CEP63: variants seen among roughly 807,000 people sequenced by gnomAD.
CEP63 encodes the protein centrosomal protein 63.
A neutral mutation model predicts 89.1 loss-of-function variants in CEP63; 84 were observed. The ratio of observed to expected loss-of-function variants is 0.94; its 90% confidence interval spans 0.79 to 1.13. The LOEUF (loss-of-function observed/expected upper bound fraction) is 1.13. Among genes scored for constraint, CEP63 ranks in the 50% most tolerant of loss-of-function variants. The pLI is 0.00. For synonymous variants in CEP63, 267 were observed against 272.5 expected, an observed-to-expected ratio of 0.98 and a Z score of 0.20; for missense variants, 838 against 813.3, an observed-to-expected ratio of 1.03 and a Z score of -0.37.
chr3:134,499,095 A>G (rs1320036683), intron 2 of CEP63, among the ~76,000 whole-genome samples: 1 of 152,204 alleles, frequency 6.6e-6, no homozygotes, highest in Non-Finnish European at 1.5e-5. Context: ...TTTTTTTGGA[A>G]TACTTTGAGA....
the CEP63 span, among the ~76,000 whole-genome samples, chr3:134,609,711 C>A: frequency 6.6e-6 from 1 of 152,156 alleles, no homozygotes; most frequent in Non-Finnish European, 1.5e-5. Context: ...CCAATAGCAC[C>A]CCTTCCCCAA....
intron 1 of CEP63, among the ~76,000 whole-genome samples, chr3:134,488,895 C>T (rs1186085805): frequency 7.9e-5 from 12 of 152,056 alleles, no homozygotes; most frequent in African/African-American, 2.2e-4. Context: ...CGGTGGCTCA[C>T]GCCTGTAATC....
the CEP63 span, chr3:134,651,495 T>C: frequency 9.9e-7 from 1 of 1,006,370 alleles, no homozygotes; most frequent in South Asian, 4.2e-5. Context: ...CCAGATTGAA[T>C]TGCAAGATGT....
chr3:134,680,756 C>T, the CEP63 span, among the ~76,000 whole-genome samples: 9 of 152,110 alleles, frequency 5.9e-5, no homozygotes, highest in Admixed American at 4.6e-4. Context: ...GCTAGTGGCT[C>T]GAAAAGAAGA....
intron 2 of CEP63, among the ~76,000 whole-genome samples, chr3:134,496,171 T>A (rs559006362): frequency 2.2e-4 from 32 of 147,552 alleles, no homozygotes; most frequent in Non-Finnish European, 4.2e-4. Flanking sequence ...TTGTGTCTTT[T>A]CTACAAGAGC....
At chr3:134,758,055 G>A in the CEP63 span, among the ~76,000 whole-genome samples, 2 of 152,118 alleles carry the variant, frequency 1.3e-5, no homozygotes, top group African/African-American at 4.8e-5. Flanking sequence ...TGTATCTAAG[G>A]TGCCCACCCT....
chr3:134,643,028 A>G, the CEP63 span, among the ~76,000 whole-genome samples: 3 of 152,192 alleles, frequency 2.0e-5, no homozygotes, highest in African/African-American at 7.2e-5. Context: ...CAAATGTTGA[A>G]TGTTGAATAG....
chr3:134,498,901 T>C (rs1237008418), intron 2 of CEP63, among the ~76,000 whole-genome samples: 2 of 152,248 alleles, frequency 1.3e-5, no homozygotes, highest in Non-Finnish European at 2.9e-5. Flanking sequence ...TTGATCATGC[T>C]GTATTATCTT....
At chr3:134,595,169 T>C in the CEP63 span, among the ~76,000 whole-genome samples, 1 of 152,192 alleles carries the variant, frequency 6.6e-6, no homozygotes, top group Non-Finnish European at 1.5e-5. Flanking sequence ...GGTAATTTAA[T>C]CATGGGGGTG....
intron 13 of CEP63, among the ~76,000 whole-genome samples, chr3:134,558,584 A>G (rs1028062898): frequency 6.6e-6 from 1 of 152,182 alleles, no homozygotes; most frequent in African/African-American, 2.4e-5. Context: ...TGTAAACAAG[A>G]TGTGTATTAC....
At chr3:134,528,791 A>G (rs1577082396) in intron 3 of CEP63, among the ~76,000 whole-genome samples, 1 of 152,002 alleles carries the variant, frequency 6.6e-6, no homozygotes, top group Non-Finnish European at 1.5e-5. Flanking sequence ...CATTGCAGTT[A>G]CCCCTTCTAC....
chr3:134,666,057 C>T, the CEP63 span, among the ~76,000 whole-genome samples: 4 of 152,034 alleles, frequency 2.6e-5, no homozygotes, highest in Non-Finnish European at 5.9e-5. Context: ...GAGAGAGAGA[C>T]AGAGAGACAA....
the CEP63 span, among the ~76,000 whole-genome samples, chr3:134,723,477 C>A: frequency 6.6e-5 from 10 of 152,152 alleles, no homozygotes; most frequent in Admixed American, 6.5e-4. Flanking sequence ...TGTAGTTCAC[C>A]CATGGATCCC....
intron 14 of CEP63, 78 bp downstream of exon 14, chr3:134,559,507 G>T (rs946986660): frequency 3.1e-6 from 4 of 1,287,246 alleles, no homozygotes; most frequent in Non-Finnish European, 2.2e-6. Context: ...GGTGAAGAAG[G>T]TGATTTTTTT....
intron 2 of CEP63, among the ~76,000 whole-genome samples, chr3:134,496,093 T>C (rs1467445701): frequency 6.6e-6 from 1 of 152,222 alleles, no homozygotes; most frequent in Non-Finnish European, 1.5e-5. Context: ...GATTACCCAA[T>C]AGTGTGCTTT....
chr3:134,600,364 A>C, the CEP63 span, among the ~76,000 whole-genome samples: 1 of 152,356 alleles, frequency 6.6e-6, no homozygotes, highest in Non-Finnish European at 1.5e-5. Context: ...TAACAACAGG[A>C]AATAGTTCTT....
chr3:134,486,221 AG>A lies in CEP63; in HGVS notation c.-26+23del. On this transcript the variant is annotated intron_variant, in intron 1 of 14. Transcript: ENST00000675561. ...GCCCGAGGTAACGGCGGGAAGGCTCAGGGGCGTGCTTGCGGCAACCCTGTAA... is the reference window on the plus strand; with the variant it reads ...GCCCGAGGTAACGGCGGGAAGGCTCAGGGCGTGCTTGCGGCAACCCTGTAA... 2.0e-6 allele frequency: 2 copies of A among 985,618 alleles called. No individual in the cohort carries two copies. The highest frequency in any genetic ancestry group is 6.1e-5 in the Admixed American group (1 of 16,270). 61.1% of individuals were successfully genotyped at this position (985,618 alleles called of 1,614,324 possible).
At chr3:134,686,735 C>T in the CEP63 span, among the ~76,000 whole-genome samples, 1 of 152,178 alleles carries the variant, frequency 6.6e-6, no homozygotes, top group Admixed American at 6.5e-5. Flanking sequence ...GTACCAGCAA[C>T]GGTGCTTAGT....
chr3:134,590,096 G>A (rs1433951221), downstream of CEP63, among the ~76,000 whole-genome samples: 1 of 152,126 alleles, frequency 6.6e-6, no homozygotes, highest in Non-Finnish European at 1.5e-5. Context: ...GAGGATGGAG[G>A]GTGGGAGGAG....
Sources: allele counts gnomAD v4.1 joint callset (sites outside exome capture counted in the v4.1 genomes callset), GRCh38; gene constraint gnomAD v4.1.1; transcripts MANE v1.5; gene names NCBI Gene and HGNC (gene_info 2026-07-23, HGNC 2026-07-21).